The following LRIG1 variants were observed in gnomAD, a reference collection of about 807,000 sequenced individuals.
LRIG1 encodes leucine-rich repeats and immunoglobulin-like domains protein 1.
A neutral mutation model predicts 99.2 loss-of-function variants in LRIG1; 48 were observed. The ratio of observed to expected loss-of-function variants is 0.48; its 90% confidence interval spans 0.38 to 0.62. The LOEUF (loss-of-function observed/expected upper bound fraction) is 0.62, where lower values mean the gene tolerates loss of function less well. Ranked by LOEUF, LRIG1 falls within the 20% of genes least tolerant of loss-of-function variation. The pLI is 0.00. For synonymous variants in LRIG1, 772 were observed against 596.1 expected (o/e 1.29, Z -4.30); for missense variants, 1,646 against 1,434.4 (o/e 1.15, Z -2.38).
chr3:66,382,451 A>G lies in LRIG1; in HGVS notation c.2492-53T>C, dbSNP rs770341968. 10 of 1,606,848 alleles carry G rather than the reference A, an allele frequency of 6.2e-6. No homozygotes were observed. In the South Asian group the frequency reaches 8.8e-5, roughly 14 times the overall value. On this transcript the variant is annotated intron_variant, in intron 15 of 18. Coordinates refer to ENST00000273261, the MANE Select transcript of LRIG1 (RefSeq NM_015541.3). ...CCAGGGTCTCAGTGACAAGAAATGCAGACACACGTTCACTGTCAAGCTCAG... is the reference window on the plus strand; with the variant it reads ...CCAGGGTCTCAGTGACAAGAAATGCGGACACACGTTCACTGTCAAGCTCAG...
At chr3:66,385,277 T>G (rs1277178104) in intron 13 of LRIG1, among the ~76,000 whole-genome samples, 1 of 152,134 alleles carries the variant, frequency 6.6e-6, no homozygotes, top group Non-Finnish European at 1.5e-5. Context: ...AGCCTTGCAC[T>G]CCACAGTCTC....
chr3:66,451,490 G>C, intron 3 of LRIG1, 69 bp downstream of exon 3: 1 of 1,329,570 alleles, frequency 7.5e-7, no homozygotes, highest in South Asian at 1.2e-5. Context: ...CTGCCACCAG[G>C]TATCAGCAAG....
At chr3:66,392,934 C>T (rs759902397) in intron 12 of LRIG1, among the ~76,000 whole-genome samples, 1 of 152,130 alleles carries the variant, frequency 6.6e-6, no homozygotes, top group African/African-American at 2.4e-5. Context: ...TAAGACAGAT[C>T]GGTATGAAAA....
In LRIG1 at chr3:66,500,286, C is replaced by T. The variant is rs1701327445; in HGVS notation, c.122G>A (p.Cys41Tyr). Residue 41 changes from cysteine to tyrosine, a missense_variant, in exon 1 of 19, where the codon TGC becomes TAC. By Grantham distance (194) the Cys-to-Tyr change is radical (BLOSUM62 -2). Transcript: ENST00000273261. ...CCCAGCGCAAGTGCAGGCGGCCGCG[C>T]AGGGCGCCCGCGGGCCGGCCGCGGC... is the stretch of plus-strand genomic sequence containing the variant. ...VTAAAGPRAP[C>Y]AAACTCAGDS... 1.4e-6 allele frequency: 2 copies of T among 1,480,700 alleles called. No individual in the cohort carries two copies. The highest frequency in any genetic ancestry group is 1.8e-6 in the Non-Finnish European group (2 of 1,121,828). 91.7% of individuals were successfully genotyped at this position (1,480,700 alleles called of 1,614,324 possible).
In LRIG1 at chr3:66,475,155, C is replaced by T. The variant is rs368009285; in HGVS notation, c.219-12646G>A. On this transcript the variant is annotated intron_variant, in intron 1 of 18. Transcript: ENST00000273261. ...ACTTAGCCTAACACTTGCTATATAACGAACACACAATCTCCCAGGTTCTAC... is the reference window on the plus strand; with the variant it reads ...ACTTAGCCTAACACTTGCTATATAATGAACACACAATCTCCCAGGTTCTAC... 3.5e-4 allele frequency among the ~76,000 whole-genome samples: 54 copies of T among 152,290 alleles called. No individual in the cohort carries two copies. The South Asian group carries it at 0.01, about 29-fold the overall frequency.
intron 4 of LRIG1, among the ~76,000 whole-genome samples, chr3:66,416,089 T>C (rs1382806189): frequency 6.6e-6 from 1 of 152,144 alleles, no homozygotes; most frequent in Non-Finnish European, 1.5e-5. Context: ...TATCACCCAA[T>C]AGCTGCCAAA....
At chr3:66,493,072 GTCCTCCC>G (rs59797188) in intron 1 of LRIG1, among the ~76,000 whole-genome samples, 6,639 of 152,160 alleles carry the variant, frequency 0.044, 499 homozygotes, top group African/African-American at 0.15. Context: ...ATTGTCTCCT[GTCCTCCC>G]TCCTCCCTCC....
intron 12 of LRIG1, 69 bp downstream of exon 12, chr3:66,393,971 T>A (rs1246123337): frequency 6.6e-6 from 10 of 1,515,840 alleles, no homozygotes; most frequent in Non-Finnish European, 9.1e-6. Flanking sequence ...ATTACTCCCA[T>A]AATGAAGAGT....
At chr3:66,444,846 A>G (rs1703662535) in intron 3 of LRIG1, among the ~76,000 whole-genome samples, 1 of 152,016 alleles carries the variant, frequency 6.6e-6, no homozygotes, top group Non-Finnish European at 1.5e-5. Context: ...GAAAACTCAG[A>G]AGAGGACCAG....
chr3:66,499,544 A>G (rs376430913), intron 1 of LRIG1, among the ~76,000 whole-genome samples: 16 of 152,318 alleles, frequency 1.1e-4, no homozygotes, highest in African/African-American at 3.8e-4. Context: ...ACAGGTCGCC[A>G]GGAACTGTCA....
At chr3:66,404,302 G>A (rs757688666) in intron 9 of LRIG1, 2 of 1,289,222 alleles carry the variant, frequency 1.6e-6, no homozygotes, top group South Asian at 2.5e-5. Context: ...CTCGCACTCT[G>A]CTGAGCTCCC....
intron 2 of LRIG1, among the ~76,000 whole-genome samples, chr3:66,455,689 A>G (rs569826025): frequency 6.6e-6 from 1 of 152,330 alleles, no homozygotes; most frequent in East Asian, 1.9e-4. Flanking sequence ...TTGTTTCTTA[A>G]AAGGGTGAAA....
chr3:66,414,892 TAATTA>T, intron 5 of LRIG1, 23 bp downstream of exon 5: 1 of 1,539,052 alleles, frequency 6.5e-7, no homozygotes, highest in Non-Finnish European at 8.7e-7. Flanking sequence ...TGGCTAGCCT[TAATTA>T]AAGTGTAGGT....
intron 2 of LRIG1, among the ~76,000 whole-genome samples, chr3:66,454,458 T>A (rs1019343546): frequency 6.6e-6 from 1 of 152,258 alleles, no homozygotes; most frequent in African/African-American, 2.4e-5. Context: ...CCTGATGAAA[T>A]TTTTTTAAAT....
chr3:66,424,236 AC>A (rs1486742407), intron 3 of LRIG1, among the ~76,000 whole-genome samples: 1 of 150,312 alleles, frequency 6.7e-6, no homozygotes, highest in Non-Finnish European at 1.5e-5. Flanking sequence ...GACACCCCCC[AC>A]CCCCACTCCC....
intron 6 of LRIG1, among the ~76,000 whole-genome samples, chr3:66,412,443 A>G (rs1702496593): frequency 6.6e-6 from 1 of 152,208 alleles, no homozygotes; most frequent in Non-Finnish European, 1.5e-5. Context: ...ATCTCCATCA[A>G]CCAACTTATC....
At chr3:66,474,205 A>G (rs969349999) in intron 1 of LRIG1, among the ~76,000 whole-genome samples, 6 of 152,210 alleles carry the variant, frequency 3.9e-5, no homozygotes, top group Non-Finnish European at 8.8e-5. Context: ...ATCCTTGAAC[A>G]TACTAAAATT....
intron 14 of LRIG1, among the ~76,000 whole-genome samples, 185 bp from the exon 15 acceptor site, chr3:66,383,586 G>T (rs980551260): frequency 1.2e-4 from 18 of 152,158 alleles, no homozygotes; most frequent in African/African-American, 3.6e-4. Context: ...GCTGGGAGTG[G>T]CTTCCACAGG....
At chr3:66,435,100 C>T (rs1355966174) in intron 3 of LRIG1, among the ~76,000 whole-genome samples, 2 of 152,162 alleles carry the variant, frequency 1.3e-5, no homozygotes, top group East Asian at 3.8e-4. Context: ...GAATACAACT[C>T]TGTGATTAAA....
Sources: gnomAD v4.1 joint callset for allele counts (sites outside exome capture counted in the v4.1 genomes callset) on GRCh38, gnomAD v4.1.1 for gene constraint, MANE v1.5 for transcripts, NCBI Gene and HGNC (gene_info 2026-07-23, HGNC 2026-07-21) for gene names.